The following FANCM variants were observed in gnomAD, a reference collection of about 807,000 sequenced individuals.
FANCM encodes the protein FA complementation group M, also known as Fanconi anemia group M protein.
Under a neutral mutation model 199.5 loss-of-function variants are expected in FANCM, and 140 were observed. That is an observed-to-expected ratio of 0.70 (90% CI 0.61 to 0.81). The LOEUF is 0.81. Among genes scored for constraint, FANCM ranks in the 30% least tolerant of loss-of-function variants. The probability of loss-of-function intolerance (pLI) is 0.00; values close to 1 mark genes in which losing one functional copy is unlikely to be tolerated. For missense variants in FANCM, 2,410 were observed against 2,421.4 expected, an observed-to-expected ratio of 1.00 and a Z score of 0.10; for synonymous variants, 840 against 836.8, an observed-to-expected ratio of 1.00 and a Z score of -0.07.
At position 45,175,529 on chromosome 14, in the gene FANCM, A is replaced by G; in HGVS notation, c.2775A>G (p.Thr925=). The change falls in exon 14 of 23, where the codon ACA becomes ACG. Residue 925 remains threonine (T), a synonymous_variant. Coordinates refer to ENST00000267430, the MANE Select transcript of FANCM (RefSeq NM_020937.4). ...TTAAAGAACCGTGTGTGTTATTAACAGAGTGTCAGTTTACAAATAAATCCA... is the reference window on the plus strand; with the variant it reads ...TTAAAGAACCGTGTGTGTTATTAACGGAGTGTCAGTTTACAAATAAATCCA... ...NVIKEPCVLL[T]ECQFTNKSTS... 6.2e-7 allele frequency: 1 copy of G among 1,613,118 alleles called. No homozygotes were observed. Among genetic ancestry groups the G allele is most frequent in the Non-Finnish European group, 8.5e-7 (1 of 1,179,246 alleles).
rs755415097 is a variant in FANCM, at chr14:45,154,689, T to G, written c.1184-8T>G. ...ATTTATTTGAAAACCTTTTCTTAAT[T>G]TCTGAAGGGATGACACGGTCAAAAA... is the stretch of plus-strand genomic sequence containing the variant. On this transcript the variant is annotated splice_polypyrimidine_tract_variant and splice_region_variant and intron_variant, in intron 6 of 22. Coordinates refer to ENST00000267430, the MANE Select transcript of FANCM (RefSeq NM_020937.4). The G allele has an allele frequency of 1.9e-6, 3 of 1,568,874 alleles. No homozygotes were observed. Among genetic ancestry groups the G allele is most frequent in the Non-Finnish European group, 2.6e-6 (3 of 1,145,390 alleles).
At position 45,175,722 on chromosome 14, in the gene FANCM, G is replaced by A. The variant is rs772477865; in HGVS notation, c.2968G>A (p.Val990Ile). The A allele has an allele frequency of 6.8e-6, 11 of 1,613,736 alleles. No homozygotes were observed. The East Asian group carries it at 2.2e-4, about 33-fold the overall frequency. The change falls in exon 14 of 23, where the codon GTA (valine) becomes ATA (isoleucine). Residue 990 changes from valine (V) to isoleucine (I), a missense_variant. Transcript: ENST00000267430. ...ATTGACAAAAGAGGTACTAGCTAAT[G>A]TAGAGAGATTTTTATCTTATTCTCC... ...HSLTKEVLAN[V>I]ERFLSYSPPP...
At chr14:45,171,417 A>C (rs1888331217) in intron 12 of FANCM, among the ~76,000 whole-genome samples, 1 of 151,926 alleles carries the variant, frequency 6.6e-6, no homozygotes, top group African/African-American at 2.4e-5. Flanking sequence ...ATTTTGGTGC[A>C]CATCATCCGA....
rs759079934 is a variant in FANCM at position 45,148,886 on chromosome 14, G to A, written c.809G>A (p.Arg270His). The A allele has an allele frequency of 4.3e-6, 7 of 1,610,474 alleles. No homozygotes were observed. Among genetic ancestry groups the A allele is most frequent in the East Asian group, 2.2e-5 (1 of 44,818 alleles). The change falls in exon 4 of 23, where the codon CGT (arginine) becomes CAT (histidine). Residue 270 changes from arginine to histidine, a missense_variant. Arg to His is a conservative substitution (Grantham distance 29). Coordinates refer to ENST00000267430, the MANE Select transcript of FANCM (RefSeq NM_020937.4). Reference protein sequence around the residue: ...TNLLIGQIELRSEDSPDILTY... With the variant: ...TNLLIGQIELHSEDSPDILTY... ...CTGCTAATTGGGCAGATAGAGCTTC[G>A]TTCTGAAGATTCTCCAGATATTTTG...
chr14:45,156,063 G>T (rs1298395872), intron 8 of FANCM, among the ~76,000 whole-genome samples: 1 of 152,170 alleles, frequency 6.6e-6, no homozygotes, highest in South Asian at 2.1e-4. Flanking sequence ...GATTAGGAGA[G>T]AGAGAGTTAT....
chr14:45,171,932 C>T (rs1031661959), intron 12 of FANCM, among the ~76,000 whole-genome samples: 6 of 152,046 alleles, frequency 3.9e-5, no homozygotes, highest in East Asian at 3.9e-4. Context: ...AAGGAATCTC[C>T]GTATTGTATT....
Position 45,183,717 on chromosome 14 carries a change from C to T in FANCM, c.4387-57C>T, listed in dbSNP as rs1003424619. 2.1e-5 allele frequency: 27 copies of T among 1,294,972 alleles called. 1 individual carries two copies. The East Asian group carries it at 6.4e-4, about 31-fold the overall frequency. The allele number at this position is 1,294,972 out of a possible 1,614,324, so 80.2% of individuals were successfully genotyped here. ...GCTCTGAGTTGTAAGAGCAATTTTACTTGTCTAGGAAGAAAATATTTTTTT... is the reference window on the plus strand; with the variant it reads ...GCTCTGAGTTGTAAGAGCAATTTTATTTGTCTAGGAAGAAAATATTTTTTT... On this transcript the variant is annotated intron_variant, in intron 16 of 22. Coordinates refer to ENST00000267430, the MANE Select transcript of FANCM (RefSeq NM_020937.4).
At chr14:45,159,498 TAAGCAGAA>T (rs1887436538) in intron 9 of FANCM, among the ~76,000 whole-genome samples, 1 of 152,094 alleles carries the variant, frequency 6.6e-6, no homozygotes, top group Non-Finnish European at 1.5e-5. Context: ...GTGTAAAAGT[TAAGCAGAA>T]AAGCTGTGGA....
rs753250764 is a variant in FANCM, at chr14:45,173,146, A to G, written c.2252A>G (p.His751Arg). 6.2e-7 allele frequency: 1 copy of G among 1,613,350 alleles called. No homozygotes were observed. The highest frequency in any genetic ancestry group is 1.1e-5 in the South Asian group (1 of 91,074). ...DHPLPTHQVD[H>R]SDRCRHFIGL... The stretch of plus-strand genomic sequence containing the variant: ...CCTTTGCCTACACATCAAGTTGATC[A>G]CTCAGATCGATGCCGCCATTTTATA... The change falls in exon 13 of 23, where the codon CAC (histidine) becomes CGC (arginine). Residue 751 changes from histidine to arginine, a missense_variant. By Grantham distance (29) the His-to-Arg change is conservative. Coordinates refer to ENST00000267430, the MANE Select transcript of FANCM (RefSeq NM_020937.4).
At position 45,199,973 on chromosome 14, in the gene FANCM, G is replaced by C; in HGVS notation, c.6112G>C (p.Asp2038His). 2.5e-6 allele frequency: 4 copies of C among 1,609,466 alleles called. No individual in the cohort carries two copies. Among genetic ancestry groups the C allele is most frequent in the Non-Finnish European group, 8.5e-7 (1 of 1,176,382 alleles). The change falls in exon 23 of 23, where the codon GAT becomes CAT. Residue 2038 changes from aspartate to histidine, a missense_variant. Coordinates refer to ENST00000267430, the MANE Select transcript of FANCM (RefSeq NM_020937.4). ...YVFDIQMLPNDLNQDRLKSDI is the reference protein window; with the variant it reads ...YVFDIQMLPNHLNQDRLKSDI ...ATTTGACATACAAATGTTACCAAAT[G>C]ATCTTAACCAAGATAGACTGAAATC...
Position 45,196,514 on chromosome 14 carries a change from T to C in FANCM, c.5683T>C (p.Cys1895Arg), listed in dbSNP as rs148945714. 2.8e-5 allele frequency: 45 copies of C among 1,613,916 alleles called. No homozygotes were observed. Among genetic ancestry groups the C allele is most frequent in the Admixed American group, 1.0e-4 (6 of 60,004 alleles). ...QHLQSMFERI[C>R]VIVEKDREKT... ...CCTGCAGAGTATGTTTGAAAGAATATGTGTGATTGTGGAAAAGGACAGAGA... is the reference window on the plus strand; with the variant it reads ...CCTGCAGAGTATGTTTGAAAGAATACGTGTGATTGTGGAAAAGGACAGAGA... Residue 1895 changes from cysteine to arginine, a missense_variant, in exon 21 of 23, where the codon TGT becomes CGT. Physicochemically the swap from Cys to Arg is radical, Grantham distance 180. Transcript: ENST00000267430.
At chr14:45,138,228 T>G (rs1885662461) in intron 2 of FANCM, among the ~76,000 whole-genome samples, 2 of 152,038 alleles carry the variant, frequency 1.3e-5, no homozygotes, top group African/African-American at 4.8e-5. Context: ...AAAACTATAG[T>G]AGTTGGTGAT....
chr14:45,164,688 C>G, intron 10 of FANCM, 123 bp downstream of exon 10: 1 of 777,054 alleles, frequency 1.3e-6, no homozygotes, highest in Non-Finnish European at 2.1e-6. Flanking sequence ...GTTTATTTTC[C>G]CCCACTTTGT....
intron 12 of FANCM, among the ~76,000 whole-genome samples, chr14:45,171,201 G>T (rs1054219897): frequency 6.6e-6 from 1 of 151,350 alleles, no homozygotes; most frequent in Non-Finnish European, 1.5e-5. Flanking sequence ...TCAGCTCCTG[G>T]ACTCAAGTGA....
chr14:45,171,246 A>G (rs190187747), intron 12 of FANCM, among the ~76,000 whole-genome samples: 41 of 151,960 alleles, frequency 2.7e-4, no homozygotes, highest in African/African-American at 5.1e-4. Context: ...AGCTGGGACT[A>G]TAAGTGTACA....
At position 45,189,325 on chromosome 14, in the gene FANCM, C is replaced by T; in HGVS notation, c.5303C>T (p.Ser1768Leu). 6.2e-7 allele frequency: 1 copy of T among 1,613,678 alleles called. No individual in the cohort carries two copies. The highest frequency in any genetic ancestry group is 8.5e-7 in the Non-Finnish European group (1 of 1,179,616). Residue 1768 changes from serine to leucine, a missense_variant, in exon 20 of 23, where the codon TCA (serine) becomes TTA (leucine). Physicochemically the swap from Ser to Leu is moderately radical, Grantham distance 145 (BLOSUM62 -2). Coordinates refer to ENST00000267430, the MANE Select transcript of FANCM (RefSeq NM_020937.4). ...ACACCACCCTTCACTACTGTTGATT[C>T]ACAGAAAGACTGTAGAAAATTTCCA... Reference protein sequence around the residue: ...STTPPFTTVDSQKDCRKFPVP... With the variant: ...STTPPFTTVDLQKDCRKFPVP...
At chr14:45,197,715 T>C (rs112575017) in intron 21 of FANCM, among the ~76,000 whole-genome samples, 4 of 151,864 alleles carry the variant, frequency 2.6e-5, no homozygotes, top group African/African-American at 9.7e-5. Flanking sequence ...TCTGCCTGCC[T>C]CAGCCTTCCA....
chr14:45,176,418 G>C lies in FANCM; in HGVS notation c.3664G>C (p.Asp1222His), dbSNP rs145411480. The C allele has an allele frequency of 6.2e-7, 1 of 1,612,952 alleles. No homozygotes were observed. Among genetic ancestry groups the C allele is most frequent in the Non-Finnish European group, 8.5e-7 (1 of 1,179,904 alleles). Residue 1222 changes from aspartate (D) to histidine (H), a missense_variant, in exon 14 of 23, where the codon GAT (aspartate) becomes CAT (histidine). Physicochemically the swap from Asp to His is moderately conservative, Grantham distance 81. Coordinates refer to ENST00000267430, the MANE Select transcript of FANCM (RefSeq NM_020937.4). ...EKVKNHEDIF[D>H]CSRDLFSVTF... ...AGTGAAGAATCATGAGGATATTTTT[G>C]ATTGCTCTAGGGATTTATTTTCTGT...
chr14:45,185,469 G>A, intron 18 of FANCM, 96 bp downstream of exon 18: 1 of 706,050 alleles, frequency 1.4e-6, no homozygotes, highest in South Asian at 2.2e-5. Flanking sequence ...AGACCTTAAA[G>A]GTAATTAAAT....
Sources: allele counts gnomAD v4.1 joint callset (sites outside exome capture counted in the v4.1 genomes callset), GRCh38; gene constraint gnomAD v4.1.1; transcripts MANE v1.5; gene names NCBI Gene and HGNC (gene_info 2026-07-23, HGNC 2026-07-21).